NRXN1: variants seen among roughly 807,000 people sequenced by gnomAD.
The protein encoded by NRXN1 is neurexin 1.
In NRXN1, 39 loss-of-function variants were observed where a neutral mutation model predicts 150.9. That is an observed-to-expected ratio of 0.26 (90% CI 0.20 to 0.34). The LOEUF (loss-of-function observed/expected upper bound fraction) is 0.34, where lower values mean the gene tolerates loss of function less well. Ranked by LOEUF, NRXN1 falls within the 10% of genes least tolerant of loss-of-function variation. NRXN1 has a pLI of 1.00. For synonymous variants in NRXN1, 924 were observed against 757.0 expected, an observed-to-expected ratio of 1.22 and a Z score of -3.62; for missense variants, 1,815 against 1,949.9, an observed-to-expected ratio of 0.93 and a Z score of 1.30.
intron 18 of NRXN1, among the ~76,000 whole-genome samples, chr2:50,163,164 G>GTGTATATATATATATATA (rs148512568): frequency 7.1e-6 from 1 of 141,754 alleles, no homozygotes; most frequent in African/African-American, 2.6e-5. Flanking sequence ...AATCCAAAAT[G>GTGTATATATATATATATA]TATATATATA....
At position 50,531,215 on chromosome 2, in the gene NRXN1, G is replaced by A. The variant is rs762138438; in HGVS notation, c.2347+12C>T. 2 of 1,606,820 alleles carry A rather than the reference G, an allele frequency of 1.2e-6. No individual in the cohort carries two copies. Among genetic ancestry groups the A allele is most frequent in the East Asian group, 2.2e-5 (1 of 44,722 alleles). On this transcript the variant is annotated intron_variant, in intron 11 of 22. Coordinates refer to ENST00000401669, the MANE Select transcript of NRXN1 (RefSeq NM_001330078.2). The stretch of plus-strand genomic sequence containing the variant: ...AAAAGTGTTAGTTCAATGGGGGAAG[G>A]CAGGTTGTTACCTAGATTGACCGTC...
chr2:50,688,636 A>C (rs1262001580), intron 5 of NRXN1, among the ~76,000 whole-genome samples: 2 of 152,170 alleles, frequency 1.3e-5, no homozygotes, highest in African/African-American at 4.8e-5. Context: ...GCAATAGGAG[A>C]TAGCATCCGT....
intron 15 of NRXN1, among the ~76,000 whole-genome samples, chr2:50,481,756 G>GTTTTTTT (rs1553677617): frequency 4.4e-5 from 3 of 67,660 alleles, no homozygotes; most frequent in African/African-American, 2.0e-4. Context: ...CTGAACTTTT[G>GTTTTTTT]TTTCTTTTTT....
intron 17 of NRXN1, among the ~76,000 whole-genome samples, chr2:50,423,425 G>A (rs902636469): frequency 4.0e-5 from 6 of 151,688 alleles, no homozygotes; most frequent in Non-Finnish European, 7.4e-5. Flanking sequence ...CTTCAATGCT[G>A]TTTGGCTTTG....
At chr2:50,373,242 C>A (rs1238082763) in intron 17 of NRXN1, among the ~76,000 whole-genome samples, 1 of 150,712 alleles carries the variant, frequency 6.6e-6, no homozygotes, top group Non-Finnish European at 1.5e-5. Context: ...AGGGCATTGA[C>A]TGTTTTACCT....
In NRXN1 at chr2:50,369,553, C is replaced by A. The variant is rs143700233; in HGVS notation, c.3364+95889G>T. Among the ~76,000 whole-genome samples, 1,366 of 152,044 alleles carry A rather than the reference C, an allele frequency of 9.0e-3. 23 individuals are homozygous for A. The highest frequency in any genetic ancestry group is 0.031 in the African/African-American group (1,298 of 41,518). On this transcript the variant is annotated intron_variant, in intron 17 of 22. Transcript: ENST00000401669. ...CTTGTCTTCTATATTCTGGTAGAAT[C>A]GATGGACAGCTACCTTATGTGCTTT...
At position 50,358,033 on chromosome 2, in the gene NRXN1, A is replaced by G. The variant is rs139471045; in HGVS notation, c.3364+107409T>C. Among the ~76,000 whole-genome samples the G allele has an allele frequency of 2.2e-4, 34 of 152,178 alleles. No homozygotes were observed. The East Asian group carries it at 6.6e-3, about 30-fold the overall frequency. ...CCGGTGAGGGACTGTGCCATGAGGG[A>G]TGGTGCTATCCAGCCCACGCACTAG... On this transcript the variant is annotated intron_variant, in intron 17 of 22. Coordinates refer to ENST00000401669, the MANE Select transcript of NRXN1 (RefSeq NM_001330078.2).
chr2:49,921,738 C>T lies in NRXN1; in HGVS notation c.*206G>A, dbSNP rs1668231187. ...TGTGGATGTTAGGGAATTTATTGGC[C>T]CCTGTTTTTTGTTTTTTGTTTTTCT... On this transcript the variant is annotated 3_prime_UTR_variant, in exon 23 of 23. Transcript: ENST00000401669. 7 of 570,556 alleles carry T rather than the reference C, an allele frequency of 1.2e-5. No homozygotes were observed. Among genetic ancestry groups the T allele is most frequent in the Non-Finnish European group, 2.1e-5 (7 of 328,592 alleles). The allele number at this position is 570,556 out of a possible 1,614,324, so 35.3% of individuals were successfully genotyped here.
intron 5 of NRXN1, among the ~76,000 whole-genome samples, chr2:50,884,804 CT>C (rs1395217693): frequency 1.3e-5 from 2 of 150,782 alleles, no homozygotes; most frequent in African/African-American, 4.9e-5. Flanking sequence ...AGTTTACCAG[CT>C]GAGAACATAC....
At chr2:50,114,060 A>G (rs750933155) in intron 18 of NRXN1, among the ~76,000 whole-genome samples, 4 of 152,154 alleles carry the variant, frequency 2.6e-5, no homozygotes, top group Non-Finnish European at 5.9e-5. Context: ...CAGATGTAAA[A>G]AAATATATAC....
chr2:50,827,580 C>A (rs1347427383), intron 5 of NRXN1, among the ~76,000 whole-genome samples: 1 of 152,168 alleles, frequency 6.6e-6, no homozygotes, highest in Non-Finnish European at 1.5e-5. Context: ...TTGATTTCCA[C>A]ATCTAAAATT....
chr2:50,304,378 C>T (rs528564152), intron 17 of NRXN1, among the ~76,000 whole-genome samples: 38 of 152,268 alleles, frequency 2.5e-4, no homozygotes, highest in Non-Finnish European at 4.4e-4. Context: ...TTTGAACTAT[C>T]TTTGATTAAA....
At chr2:50,265,040 A>G (rs2068695557) in intron 17 of NRXN1, among the ~76,000 whole-genome samples, 1 of 152,044 alleles carries the variant, frequency 6.6e-6, no homozygotes, top group Non-Finnish European at 1.5e-5. Context: ...TTTAAAGAAA[A>G]CCTTTAAAAT....
At chr2:50,485,290 G>A (rs1395688343) in intron 15 of NRXN1, among the ~76,000 whole-genome samples, 2 of 152,152 alleles carry the variant, frequency 1.3e-5, no homozygotes, top group African/African-American at 4.8e-5. Context: ...CTGGTTCTAA[G>A]GCCCTTGAAC....
intron 21 of NRXN1, among the ~76,000 whole-genome samples, chr2:49,957,425 C>T (rs150444956): frequency 3.9e-5 from 6 of 152,100 alleles, no homozygotes; most frequent in Admixed American, 6.5e-5. Flanking sequence ...TTATTCTCAC[C>T]GCAATATGGA....
chr2:50,091,497 G>A lies in NRXN1; in HGVS notation c.3547-3C>T, dbSNP rs751434375. On this transcript the variant is annotated splice_region_variant and splice_polypyrimidine_tract_variant and intron_variant, in intron 18 of 22. Transcript: ENST00000401669. ...TTAACTCCAATTTTTCCCTGGTGCT[G>A]TAAGAGAGGAGGGGAAAAAAGAGTT... 6.2e-7 allele frequency: 1 copy of A among 1,613,956 alleles called. No individual in the cohort carries two copies. The highest frequency in any genetic ancestry group is 8.5e-7 in the Non-Finnish European group (1 of 1,179,952).
chr2:50,444,818 T>C lies in NRXN1; in HGVS notation c.3364+20624A>G, dbSNP rs573176984. Among the ~76,000 whole-genome samples, 105 of 152,332 alleles carry C rather than the reference T, an allele frequency of 6.9e-4. 3 individuals are homozygous for C. The South Asian group carries it at 0.02, about 29-fold the overall frequency. ...GAGGCAAAAGGGAAATTCAATAATATTGATGCTGTCTTTATTTAAATTTTT... is the reference window on the plus strand; with the variant it reads ...GAGGCAAAAGGGAAATTCAATAATACTGATGCTGTCTTTATTTAAATTTTT... On this transcript the variant is annotated intron_variant, in intron 17 of 22. Transcript: ENST00000401669.
intron 18 of NRXN1, among the ~76,000 whole-genome samples, chr2:50,150,750 T>G (rs979915798): frequency 2.6e-5 from 4 of 151,736 alleles, no homozygotes; most frequent in Admixed American, 1.3e-4. Context: ...ACATGATGCT[T>G]CCCATATCAC....
chr2:50,696,256 T>C lies in NRXN1; in HGVS notation c.833-72641A>G, dbSNP rs575963819. The C allele has an allele frequency of 2.6e-5, 4 of 152,024 alleles. No individual in the cohort carries two copies. The South Asian group carries it at 6.2e-4, about 24-fold the overall frequency. 9.4% of individuals were successfully genotyped at this position (152,024 alleles called of 1,614,324 possible). A position where few individuals can be genotyped will look rare whatever the true frequency, so the allele number is the denominator to read the frequency against. Reference sequence around the variant, plus strand: ...ATATACACACACACACACACGTATATCACAGAACTGAAGACCATAAAATGT... The same window carrying C: ...ATATACACACACACACACACGTATACCACAGAACTGAAGACCATAAAATGT... On this transcript the variant is annotated intron_variant, in intron 5 of 22. Coordinates refer to ENST00000401669, the MANE Select transcript of NRXN1 (RefSeq NM_001330078.2).
Sources: allele counts gnomAD v4.1 joint callset (sites outside exome capture counted in the v4.1 genomes callset), GRCh38; gene constraint gnomAD v4.1.1; transcripts MANE v1.5; gene names NCBI Gene and HGNC (gene_info 2026-07-23, HGNC 2026-07-21).